USP32: variants seen among roughly 807,000 people sequenced by gnomAD.
USP32 encodes ubiquitin specific peptidase 32, also known as ubiquitin carboxyl-terminal hydrolase 32.
A neutral mutation model predicts 204.8 loss-of-function variants in USP32; 59 were observed. The ratio of observed to expected loss-of-function variants is 0.29; its 90% confidence interval spans 0.23 to 0.36. The LOEUF (loss-of-function observed/expected upper bound fraction) is 0.36. Among genes scored for constraint, USP32 ranks in the 10% least tolerant of loss-of-function variants. USP32 has a pLI of 1.00. For missense variants in USP32, 1,160 were observed against 1,946.4 expected (o/e 0.60, Z 7.60); for synonymous variants, 517 against 678.4 (o/e 0.76, Z 3.70).
intron 12 of USP32, among the ~76,000 whole-genome samples, chr17:60,232,330 G>A (rs1170889184): frequency 6.0e-5 from 9 of 150,536 alleles, no homozygotes; most frequent in African/African-American, 1.7e-4. Flanking sequence ...ACGCCACCAC[G>A]CCAGGCTAAT....
intron 1 of USP32, among the ~76,000 whole-genome samples, chr17:60,352,996 G>T (rs925939774): frequency 1.3e-5 from 2 of 152,204 alleles, no homozygotes. Context: ...TAGTCTAGGG[G>T]AGAATTTGAA....
At position 60,178,146 on chromosome 17, in the gene USP32, T is replaced by C. The variant is rs1310050357; in HGVS notation, c.*1109A>G. The stretch of plus-strand genomic sequence containing the variant: ...AAACAAAGCAAAACTAAAGTTGACT[T>C]CCTAAAACCACCAATTTCATTAAAT... On this transcript the variant is annotated 3_prime_UTR_variant, in exon 34 of 34. Coordinates refer to ENST00000300896, the MANE Select transcript of USP32 (RefSeq NM_032582.4). Among the ~76,000 whole-genome samples, 1 of 152,186 alleles carries C rather than the reference T, an allele frequency of 6.6e-6. No homozygotes were observed. The highest frequency in any genetic ancestry group is 1.9e-4 in the East Asian group (1 of 5,200).
intron 30 of USP32, among the ~76,000 whole-genome samples, chr17:60,184,861 A>G (rs2145373552): frequency 6.6e-6 from 1 of 152,170 alleles, no homozygotes; most frequent in African/African-American, 2.4e-5. Context: ...ATATGCCAGT[A>G]CCTTACAGTT....
chr17:60,207,925 G>C (rs73990680), intron 24 of USP32, 134 bp downstream of exon 24: 1 of 1,427,158 alleles, frequency 7.0e-7, no homozygotes, highest in Non-Finnish European at 9.3e-7. Flanking sequence ...GGCATTTTTT[G>C]TTGTTGTTGT....
chr17:60,308,285 G>A (rs1472276841), intron 2 of USP32, among the ~76,000 whole-genome samples: 1 of 152,060 alleles, frequency 6.6e-6, no homozygotes, highest in Admixed American at 6.5e-5. Context: ...TAACACAAAC[G>A]CACTGGGGCT....
At chr17:60,394,079 G>T (rs933192558), upstream of USP32, among the ~76,000 whole-genome samples, 3 of 152,332 alleles carry the variant, frequency 2.0e-5, no homozygotes, top group East Asian at 5.8e-4. Context: ...CTGTGAGGTG[G>T]TTAATTTTAA....
At chr17:60,333,053 T>A (rs1053940451) in intron 2 of USP32, among the ~76,000 whole-genome samples, 1 of 152,180 alleles carries the variant, frequency 6.6e-6, no homozygotes, top group Admixed American at 6.5e-5. Context: ...ATTACTGGTA[T>A]CATAATCTTT....
At chr17:60,390,748 T>C (rs1336317691) in intron 1 of USP32, among the ~76,000 whole-genome samples, 1 of 152,182 alleles carries the variant, frequency 6.6e-6, no homozygotes, top group African/African-American at 2.4e-5. Flanking sequence ...TTTATATCCT[T>C]AGCTACTAAA....
intron 2 of USP32, among the ~76,000 whole-genome samples, chr17:60,323,918 G>A (rs1285314743): frequency 6.6e-6 from 1 of 152,178 alleles, no homozygotes; most frequent in Non-Finnish European, 1.5e-5. Flanking sequence ...TGGAATACTA[G>A]TAAAGTTGCC....
chr17:60,214,574 C>T (rs771322949), intron 17 of USP32, 46 bp downstream of exon 17: 1 of 1,563,196 alleles, frequency 6.4e-7, no homozygotes, highest in East Asian at 2.3e-5. Context: ...TAAAATTAAA[C>T]AAATACCAAC....
chr17:60,387,326 G>A (rs534703059), intron 1 of USP32, among the ~76,000 whole-genome samples: 5 of 152,270 alleles, frequency 3.3e-5, no homozygotes, highest in African/African-American at 9.6e-5. Context: ...ACTGTTACAT[G>A]CTTAATTATT....
chr17:60,373,703 G>A (rs1054270760), intron 1 of USP32, among the ~76,000 whole-genome samples: 5 of 151,886 alleles, frequency 3.3e-5, no homozygotes, highest in African/African-American at 1.2e-4. Context: ...CACCCGCCTC[G>A]TCCTCCCACA....
At chr17:60,386,201 A>T (rs969498980) in intron 1 of USP32, among the ~76,000 whole-genome samples, 2 of 152,132 alleles carry the variant, frequency 1.3e-5, no homozygotes, top group Admixed American at 6.5e-5. Context: ...AAACTGCTCA[A>T]CTTAAACACA....
Position 60,213,576 on chromosome 17 carries a change from T to G in USP32, c.2104+5A>C, listed in dbSNP as rs766395923. On this transcript the variant is annotated splice_donor_5th_base_variant and intron_variant, in intron 18 of 33. Transcript: ENST00000300896. ...TTAATATAGATGCATGCTTCCATCT[T>G]GTACCTTCAATTACCAGGTGTTGTT... 1.4e-5 allele frequency: 17 copies of G among 1,231,696 alleles called. No homozygotes were observed. The highest frequency in any genetic ancestry group is 1.7e-5 in the Non-Finnish European group (15 of 892,478). The allele number at this position is 1,231,696 out of a possible 1,614,324, so 76.3% of individuals were successfully genotyped here. A position where few individuals can be genotyped will look rare whatever the true frequency, so the allele number is the denominator to read the frequency against.
intron 1 of USP32, among the ~76,000 whole-genome samples, chr17:60,400,642 GAGTT>G (rs1315242383): frequency 6.6e-6 from 1 of 152,212 alleles, no homozygotes; most frequent in Non-Finnish European, 1.5e-5. Context: ...GTTAAATAGA[GAGTT>G]AGATATTTAA....
intron 2 of USP32, among the ~76,000 whole-genome samples, chr17:60,328,017 T>C (rs972769238): frequency 6.6e-6 from 1 of 152,176 alleles, no homozygotes; most frequent in African/African-American, 2.4e-5. Flanking sequence ...CTGGGAGCCA[T>C]GGATGGCGGC....
At chr17:60,415,337 AC>A (rs990866030) in intron 1 of USP32, among the ~76,000 whole-genome samples, 8 of 151,604 alleles carry the variant, frequency 5.3e-5, no homozygotes, top group African/African-American at 1.7e-4. Flanking sequence ...TGGGCTTTAA[AC>A]CCCCTTGCCT....
intron 3 of USP32, among the ~76,000 whole-genome samples, chr17:60,300,534 T>A (rs1409163219): frequency 6.6e-6 from 1 of 152,126 alleles, no homozygotes; most frequent in South Asian, 2.1e-4. Flanking sequence ...AAAATTAATT[T>A]CTGAAGTTAA....
At chr17:60,409,493 GA>G (rs1174519923) in intron 1 of USP32, among the ~76,000 whole-genome samples, 1 of 151,888 alleles carries the variant, frequency 6.6e-6, no homozygotes, top group East Asian at 1.9e-4. Flanking sequence ...CAATCAGAGG[GA>G]AAAAAAGAGG....
Sources: gnomAD v4.1 joint callset for allele counts (sites outside exome capture counted in the v4.1 genomes callset) on GRCh38, gnomAD v4.1.1 for gene constraint, MANE v1.5 for transcripts, NCBI Gene and HGNC (gene_info 2026-07-23, HGNC 2026-07-21) for gene names.